GRID2: variants seen among roughly 807,000 people sequenced by gnomAD.
GRID2 encodes the protein glutamate receptor ionotropic, delta-2.
In GRID2, 33 loss-of-function variants were observed where a neutral mutation model predicts 114.8. The observed-to-expected ratio is 0.29, with a 90% CI of 0.22 to 0.38. GRID2 has a LOEUF of 0.38. Among genes scored for constraint, GRID2 ranks in the 10% least tolerant of loss-of-function variants. The pLI is 1.00. For synonymous variants in GRID2, 505 were observed against 449.9 expected, an observed-to-expected ratio of 1.12 and a Z score of -1.55; for missense variants, 1,184 against 1,257.7, an observed-to-expected ratio of 0.94 and a Z score of 0.89.
At chr4:93,173,376 G>A (rs184347704) in intron 4 of GRID2, among the ~76,000 whole-genome samples, 76 of 152,116 alleles carry the variant, frequency 5.0e-4, no homozygotes, top group African/African-American at 1.6e-3. Context: ...TCTCTTAGGA[G>A]CTGAAATTTA....
At chr4:93,352,553 C>G (rs532008905) in intron 8 of GRID2, among the ~76,000 whole-genome samples, 1 of 151,894 alleles carries the variant, frequency 6.6e-6, no homozygotes, top group South Asian at 2.1e-4. Context: ...ATAATCTGTC[C>G]ACAGTCTCAC....
At chr4:92,620,643 A>G (rs1730224916) in intron 2 of GRID2, among the ~76,000 whole-genome samples, 2 of 151,742 alleles carry the variant, frequency 1.3e-5, no homozygotes, top group African/African-American at 2.4e-5. Context: ...TATGAGTTTT[A>G]TGTAAATTAT....
At position 93,772,352 on chromosome 4, in the gene GRID2, C is replaced by G. The variant is rs751480208; in HGVS notation, c.2878C>G (p.His960Asp). Residue 960 changes from histidine to aspartate, a missense_variant, in exon 16 of 16, where the codon CAC becomes GAC. His to Asp is a moderately conservative substitution (Grantham distance 81, BLOSUM62 -1). Coordinates refer to ENST00000282020, the MANE Select transcript of GRID2 (RefSeq NM_001510.4). Reference sequence around the variant, plus strand: ...TTTCACTTTTGGCAACGTGCCTGAGCACCGAACTGGCCCTTTTAGGCACAG... The same window carrying G: ...TTTCACTTTTGGCAACGTGCCTGAGGACCGAACTGGCCCTTTTAGGCACAG... ...SGFTFGNVPE[H>D]RTGPFRHRAP... 7 of 1,613,988 alleles carry G rather than the reference C, an allele frequency of 4.3e-6. No individual in the cohort carries two copies.
At chr4:93,719,687 C>T (rs1330222615) in intron 14 of GRID2, among the ~76,000 whole-genome samples, 2 of 152,140 alleles carry the variant, frequency 1.3e-5, no homozygotes, top group African/African-American at 4.8e-5. Flanking sequence ...TGATCTCATA[C>T]CCACTCATCA....
intron 1 of GRID2, among the ~76,000 whole-genome samples, chr4:93,785,033 G>A (rs1734564357): frequency 6.6e-6 from 1 of 152,180 alleles, no homozygotes; most frequent in Non-Finnish European, 1.5e-5. Flanking sequence ...GTATAGACTA[G>A]AGAAAGACTT....
intron 14 of GRID2, among the ~76,000 whole-genome samples, chr4:93,766,653 A>AACT (rs1733702635): frequency 6.6e-6 from 1 of 152,194 alleles, no homozygotes; most frequent in Non-Finnish European, 1.5e-5. Context: ...TGCCTTTTAT[A>AACT]TCTACAAGTA....
intron 2 of GRID2, among the ~76,000 whole-genome samples, chr4:92,596,585 A>G (rs911255774): frequency 2.0e-5 from 3 of 152,016 alleles, no homozygotes; most frequent in Non-Finnish European, 2.9e-5. Context: ...CTGGGCCACA[A>G]GGTCTGGAAT....
At chr4:93,734,029 T>C (rs1031359740) in intron 14 of GRID2, among the ~76,000 whole-genome samples, 2 of 152,092 alleles carry the variant, frequency 1.3e-5, no homozygotes, top group Non-Finnish European at 2.9e-5. Context: ...GCTTTATAGT[T>C]AAGACCTCCT....
intron 8 of GRID2, among the ~76,000 whole-genome samples, chr4:93,369,529 G>T (rs936730724): frequency 6.6e-6 from 1 of 152,074 alleles, no homozygotes; most frequent in East Asian, 1.9e-4. Flanking sequence ...TTGCTCTGTT[G>T]TCAAGGCTGG....
chr4:93,488,286 T>A (rs1054076846), intron 11 of GRID2, among the ~76,000 whole-genome samples: 1 of 151,968 alleles, frequency 6.6e-6, no homozygotes, highest in Non-Finnish European at 1.5e-5. Flanking sequence ...GGCAAATAAT[T>A]ATTTTGCTTT....
chr4:93,056,594 A>G (rs897338807), intron 2 of GRID2, among the ~76,000 whole-genome samples: 2 of 151,960 alleles, frequency 1.3e-5, no homozygotes, highest in Non-Finnish European at 2.9e-5. Flanking sequence ...ACCACCCTCA[A>G]TTTCTAACTA....
intron 8 of GRID2, among the ~76,000 whole-genome samples, chr4:93,382,752 A>G (rs776601683): frequency 5.9e-5 from 9 of 151,374 alleles, no homozygotes; most frequent in Non-Finnish European, 1.3e-4. Context: ...GGCTTATTTT[A>G]TTTTATTTTT....
At chr4:93,385,512 T>C (rs1365923574) in intron 8 of GRID2, among the ~76,000 whole-genome samples, 1 of 152,178 alleles carries the variant, frequency 6.6e-6, no homozygotes, top group African/African-American at 2.4e-5. Flanking sequence ...ATTTTCATTG[T>C]GTGTGAATTG....
chr4:92,837,864 C>T (rs753547611), intron 2 of GRID2, among the ~76,000 whole-genome samples: 26 of 151,936 alleles, frequency 1.7e-4, no homozygotes, highest in Admixed American at 7.2e-4. Flanking sequence ...ATGTTTGAGC[C>T]GCGAATTCAA....
chr4:93,106,322 G>T (rs1022355694), intron 3 of GRID2, among the ~76,000 whole-genome samples: 1 of 152,074 alleles, frequency 6.6e-6, no homozygotes, highest in Admixed American at 6.6e-5. Context: ...TGTGTTCATT[G>T]AACAAAACCA....
chr4:93,239,359 A>G (rs930880664), intron 8 of GRID2, among the ~76,000 whole-genome samples: 2 of 141,580 alleles, frequency 1.4e-5, no homozygotes, highest in Non-Finnish European at 3.1e-5. Context: ...CTGTCTATCT[A>G]TCTATCTATC....
At chr4:93,172,389 G>A (rs944953551) in intron 4 of GRID2, among the ~76,000 whole-genome samples, 5 of 151,962 alleles carry the variant, frequency 3.3e-5, no homozygotes, top group Non-Finnish European at 7.4e-5. Context: ...CCAGGAGTTC[G>A]GGACCAGCCT....
intron 13 of GRID2, among the ~76,000 whole-genome samples, chr4:93,522,228 T>G (rs1398437891): frequency 3.3e-5 from 5 of 152,174 alleles, no homozygotes; most frequent in African/African-American, 1.2e-4. Context: ...GCTTGTATTA[T>G]ATTTAAACCA....
chr4:92,853,413 CACTG>C (rs1743964721), intron 2 of GRID2, among the ~76,000 whole-genome samples: 1 of 151,920 alleles, frequency 6.6e-6, no homozygotes, highest in South Asian at 2.1e-4. Flanking sequence ...TTATCTTTTA[CACTG>C]ACTTTCTCCA....
Sources: gnomAD v4.1 joint callset for allele counts (sites outside exome capture counted in the v4.1 genomes callset) on GRCh38, gnomAD v4.1.1 for gene constraint, MANE v1.5 for transcripts, NCBI Gene and HGNC (gene_info 2026-07-23, HGNC 2026-07-21) for gene names.